The following THSD4 variants were observed in gnomAD, a reference collection of about 807,000 sequenced individuals.
THSD4 encodes the protein thrombospondin type 1 domain containing 4.
Under a neutral mutation model 119.0 loss-of-function variants are expected in THSD4, and 69 were observed. That is an observed-to-expected ratio of 0.58 (90% confidence interval 0.48 to 0.71). The LOEUF is 0.71. Ranked by LOEUF, THSD4 falls within the 30% of genes least tolerant of loss-of-function variation. The pLI is 0.00. For synonymous variants in THSD4, 524 were observed against 540.4 expected, an observed-to-expected ratio of 0.97 and a Z score of 0.42; for missense variants, 1,393 against 1,391.1, an observed-to-expected ratio of 1.00 and a Z score of -0.02.
In THSD4 at chr15:71,315,354, T is replaced by C. The variant is rs536356048; in HGVS notation, c.1015+58639T>C. ...TGTCCACAGACCCCCTTCACACTTTTATTATGACACTGAGCCTTGCATGAA... is the reference window on the plus strand; with the variant it reads ...TGTCCACAGACCCCCTTCACACTTTCATTATGACACTGAGCCTTGCATGAA... On this transcript the variant is annotated intron_variant, in intron 6 of 17. Transcript: ENST00000261862. Among the ~76,000 whole-genome samples the C allele has an allele frequency of 2.6e-5, 4 of 152,378 alleles. No individual in the cohort carries two copies. The South Asian group carries it at 6.2e-4, about 24-fold the overall frequency.
chr15:71,440,231 C>T (rs79156619), intron 7 of THSD4, among the ~76,000 whole-genome samples: 196 of 152,234 alleles, frequency 1.3e-3, no homozygotes, highest in Non-Finnish European at 2.1e-3. Context: ...AAATACTAAT[C>T]TCATTTCCTC....
chr15:71,442,579 A>AAAAAAATATATATATATATAT (rs1195413080), intron 7 of THSD4, among the ~76,000 whole-genome samples: 1 of 39,860 alleles, frequency 2.5e-5, no homozygotes, highest in African/African-American at 7.4e-5. Context: ...AAAAAAAAAA[A>AAAAAAATATATATATATATAT]ATATATATAT....
At chr15:71,656,263 G>C (rs542113743) in intron 7 of THSD4, among the ~76,000 whole-genome samples, 1 of 152,276 alleles carries the variant, frequency 6.6e-6, no homozygotes, top group South Asian at 2.1e-4. Flanking sequence ...ACATGGTTTT[G>C]ACAAAGTGCT....
At chr15:71,277,654 A>G (rs1443640286) in intron 6 of THSD4, among the ~76,000 whole-genome samples, 1 of 152,184 alleles carries the variant, frequency 6.6e-6, no homozygotes, top group East Asian at 1.9e-4. Flanking sequence ...TGTGACATAC[A>G]TTACCCTGGA....
intron 3 of THSD4, chr15:71,188,820 G>T (rs1191627204): frequency 6.6e-6 from 1 of 152,638 alleles, no homozygotes; most frequent in African/African-American, 2.4e-5. Flanking sequence ...ACTTACAGGA[G>T]CAGGCTGTGC....
At chr15:71,773,671 G>A (rs2140251035) in intron 17 of THSD4, among the ~76,000 whole-genome samples, 1 of 152,310 alleles carries the variant, frequency 6.6e-6, no homozygotes, top group Non-Finnish European at 1.5e-5. Flanking sequence ...CCAGAGTTAT[G>A]ACACACACTT....
chr15:71,436,250 T>C (rs1410769432), intron 7 of THSD4, among the ~76,000 whole-genome samples: 3 of 152,102 alleles, frequency 2.0e-5, no homozygotes, highest in African/African-American at 7.2e-5. Context: ...ACTTCTACCC[T>C]GTGATACCCT....
chr15:71,548,210 C>T (rs2048869772), intron 7 of THSD4, among the ~76,000 whole-genome samples: 1 of 151,858 alleles, frequency 6.6e-6, no homozygotes, highest in Admixed American at 6.6e-5. Flanking sequence ...TTGGTGTATC[C>T]ACCCTCACCT....
chr15:71,241,877 T>C (rs1182871420), intron 4 of THSD4, among the ~76,000 whole-genome samples: 9 of 152,214 alleles, frequency 5.9e-5, no homozygotes, highest in African/African-American at 2.2e-4. Context: ...TCGTAAACTT[T>C]CTTAAAACAT....
intron 8 of THSD4, among the ~76,000 whole-genome samples, chr15:71,719,809 G>A (rs2052679728): frequency 6.6e-6 from 1 of 151,978 alleles, no homozygotes; most frequent in African/African-American, 2.4e-5. Flanking sequence ...CCAAGTAGCT[G>A]GGACTACAGG....
chr15:71,299,587 A>C (rs115875928), intron 6 of THSD4, among the ~76,000 whole-genome samples: 124 of 152,336 alleles, frequency 8.1e-4, no homozygotes, highest in African/African-American at 2.7e-3. Flanking sequence ...GTCAAAGGGT[A>C]CAAAGTTTCA....
chr15:71,621,795 A>G (rs968290188), intron 7 of THSD4, among the ~76,000 whole-genome samples: 1 of 152,230 alleles, frequency 6.6e-6, no homozygotes, highest in Admixed American at 6.5e-5. Flanking sequence ...GATAAATGGA[A>G]CTTCCATGTT....
intron 7 of THSD4, among the ~76,000 whole-genome samples, chr15:71,599,755 G>A (rs1405595197): frequency 6.6e-6 from 1 of 152,348 alleles, no homozygotes. Context: ...CAGTGGGCCA[G>A]GAGGAACGTG....
chr15:71,630,933 G>A (rs1472588), intron 7 of THSD4, among the ~76,000 whole-genome samples: 38,993 of 152,002 alleles, frequency 0.26, 5,854 homozygotes, highest in East Asian at 0.61. Context: ...TGTCCTGTGC[G>A]TTGTAGGATG....
intron 7 of THSD4, among the ~76,000 whole-genome samples, chr15:71,584,441 G>GTA (rs1208859932): frequency 6.8e-6 from 1 of 146,154 alleles, no homozygotes; most frequent in Non-Finnish European, 1.5e-5. Context: ...GCTAATTTTT[G>GTA]TATTTTTAGT....
chr15:71,194,967 A>C (rs1235788817), intron 3 of THSD4, among the ~76,000 whole-genome samples: 1 of 152,050 alleles, frequency 6.6e-6, no homozygotes, highest in Non-Finnish European at 1.5e-5. Context: ...TGGTGTTCCG[A>C]AGCCCAGCAC....
chr15:71,625,791 C>G (rs2050497425), intron 7 of THSD4, among the ~76,000 whole-genome samples: 1 of 152,240 alleles, frequency 6.6e-6, no homozygotes, highest in East Asian at 1.9e-4. Flanking sequence ...AGGGAGCTCA[C>G]AATTCCAGGG....
chr15:71,322,234 A>C (rs1249645066), intron 6 of THSD4, among the ~76,000 whole-genome samples: 1 of 152,156 alleles, frequency 6.6e-6, no homozygotes, highest in African/African-American at 2.4e-5. Flanking sequence ...AGAAAACAGG[A>C]TTTCCATGAG....
chr15:71,143,393 GC>G (rs2040623819), intron 2 of THSD4, among the ~76,000 whole-genome samples: 1 of 152,084 alleles, frequency 6.6e-6, no homozygotes, highest in African/African-American at 2.4e-5. Flanking sequence ...AATGCAGTTG[GC>G]CCACAGGGTC....
Sources: allele counts gnomAD v4.1 joint callset (sites outside exome capture counted in the v4.1 genomes callset), GRCh38; gene constraint gnomAD v4.1.1; transcripts MANE v1.5; gene names NCBI Gene and HGNC (gene_info 2026-07-23, HGNC 2026-07-21).